USH2A: variants seen among roughly 807,000 people sequenced by gnomAD.
USH2A encodes usherin, also known as Usher syndrome 2A (autosomal recessive, mild).
Under a neutral mutation model 538.9 loss-of-function variants are expected in USH2A, and 443 were observed. The ratio of observed to expected loss-of-function variants is 0.82; its 90% CI spans 0.76 to 0.89. The LOEUF (loss-of-function observed/expected upper bound fraction) is 0.89, where lower values mean the gene tolerates loss of function less well. Ranked by LOEUF, USH2A falls within the 40% of genes least tolerant of loss-of-function variation. USH2A has a pLI of 0.00. For synonymous variants in USH2A, 2,413 were observed against 2,273.5 expected (o/e 1.06, Z -1.75); for missense variants, 6,633 against 6,324.8 (o/e 1.05, Z -1.65).
rs115262016 is a variant in USH2A at position 216,193,371 on chromosome 1, G to T, written c.4252-3004C>A. On this transcript the variant is annotated intron_variant, in intron 19 of 71. Coordinates refer to ENST00000307340, the MANE Select transcript of USH2A (RefSeq NM_206933.4). ...TGAGTGAACACGTAGACAGATTAAT[G>T]AAAAATAAGTAATCATAAATTATTT... Among the ~76,000 whole-genome samples, 814 of 152,066 alleles carry T rather than the reference G, an allele frequency of 5.4e-3. 6 individuals carry two copies. Among genetic ancestry groups the T allele is most frequent in the African/African-American group, 0.019 (769 of 41,506 alleles).
Position 216,324,368 on chromosome 1 carries a change from T to G in USH2A, c.1144-16A>C, listed in dbSNP as rs919792106. ...TATAAAACACCTGAAAATGGAAAGT[T>G]AATTAATGTAATTAAAGTTTTAAGT... On this transcript the variant is annotated splice_polypyrimidine_tract_variant and intron_variant, in intron 6 of 71. Transcript: ENST00000307340. 2.5e-6 allele frequency: 4 copies of G among 1,588,374 alleles called. No homozygotes were observed. The highest frequency in any genetic ancestry group is 1.1e-5 in the South Asian group (1 of 88,892).
At position 215,658,003 on chromosome 1, in the gene USH2A, G is replaced by C. The variant is rs141965510; in HGVS notation, c.14134-7202C>G. Among the ~76,000 whole-genome samples, 856 of 148,890 alleles carry C rather than the reference G, an allele frequency of 5.7e-3. 23 individuals carry two copies. The South Asian group carries it at 0.071, about 12-fold the overall frequency. ...GGCTGGAGTGCAGTGGCGTGATCTCGGCTGACTGCAAGCTCCGCCTCCCAG... is the reference window on the plus strand; with the variant it reads ...GGCTGGAGTGCAGTGGCGTGATCTCCGCTGACTGCAAGCTCCGCCTCCCAG... On this transcript the variant is annotated intron_variant, in intron 64 of 71. Coordinates refer to ENST00000307340, the MANE Select transcript of USH2A (RefSeq NM_206933.4).
intron 16 of USH2A, among the ~76,000 whole-genome samples, chr1:216,202,630 T>C (rs1251021264): frequency 6.6e-6 from 1 of 152,188 alleles, no homozygotes; most frequent in African/African-American, 2.4e-5. Flanking sequence ...AGCACTGATT[T>C]GTGATCTTGG....
intron 71 of USH2A, among the ~76,000 whole-genome samples, chr1:215,627,427 TCCTTCCTTCCTTC>T (rs1656079823): frequency 8.4e-6 from 1 of 119,388 alleles, no homozygotes; most frequent in South Asian, 3.4e-4. Flanking sequence ...CTTCCTTCCT[TCCTTCCTTCCTTC>T]CTTCCTTCCT....
At position 215,860,489 on chromosome 1, in the gene USH2A, T is replaced by C. The variant is rs73090742; in HGVS notation, c.8845+6518A>G. ...GTTGGCGCAAAGTAGTTGTGGTTTTTGCCATTACTTCAATGGCGAAAACCA... is the reference window on the plus strand; with the variant it reads ...GTTGGCGCAAAGTAGTTGTGGTTTTCGCCATTACTTCAATGGCGAAAACCA... On this transcript the variant is annotated intron_variant, in intron 44 of 71. Transcript: ENST00000307340. 4.1e-3 allele frequency among the ~76,000 whole-genome samples: 620 copies of C among 152,270 alleles called. 4 individuals carry two copies. Among genetic ancestry groups the C allele is most frequent in the African/African-American group, 0.014 (564 of 41,562 alleles).
At chr1:215,717,099 G>A (rs1320827628) in intron 61 of USH2A, among the ~76,000 whole-genome samples, 1 of 152,136 alleles carries the variant, frequency 6.6e-6, no homozygotes, top group Non-Finnish European at 1.5e-5. Flanking sequence ...TCTATGGAGG[G>A]GAATTCAGAG....
Position 216,102,535 on chromosome 1 carries a change from C to T in USH2A, c.4628-5322G>A, listed in dbSNP as rs187682584. Among the ~76,000 whole-genome samples, 132 of 152,266 alleles carry T rather than the reference C, an allele frequency of 8.7e-4. 2 individuals are homozygous for T. The East Asian group carries it at 0.011, about 13-fold the overall frequency. On this transcript the variant is annotated intron_variant, in intron 21 of 71. Transcript: ENST00000307340. ...TACTTGTGGGCCGGGCACAGTGGCT[C>T]ACGCCTGTAATCCCAGCACTTTGGG... is the stretch of plus-strand genomic sequence containing the variant.
At chr1:216,137,067 T>G (rs764147521) in intron 21 of USH2A, among the ~76,000 whole-genome samples, 8 of 151,982 alleles carry the variant, frequency 5.3e-5, no homozygotes, top group African/African-American at 1.5e-4. Context: ...TTGGAAAGAG[T>G]AGAAAACTAG....
At chr1:216,094,601 G>A (rs1454843903) in intron 22 of USH2A, among the ~76,000 whole-genome samples, 2 of 151,954 alleles carry the variant, frequency 1.3e-5, no homozygotes, top group Non-Finnish European at 2.9e-5. Context: ...ATTATTCACT[G>A]ATGCTTCTTC....
At chr1:216,131,992 T>C (rs2033386729) in intron 21 of USH2A, among the ~76,000 whole-genome samples, 1 of 152,118 alleles carries the variant, frequency 6.6e-6, no homozygotes, top group Admixed American at 6.6e-5. Flanking sequence ...CCTAGTAAGA[T>C]GGTAGAAATG....
chr1:216,349,126 T>C (rs2038230035), intron 4 of USH2A, among the ~76,000 whole-genome samples: 1 of 152,132 alleles, frequency 6.6e-6, no homozygotes, highest in South Asian at 2.1e-4. Context: ...CTTCCAGGTA[T>C]CAACTTTTGT....
chr1:215,964,581 T>C (rs1010567059), intron 37 of USH2A, among the ~76,000 whole-genome samples: 7 of 152,156 alleles, frequency 4.6e-5, no homozygotes, highest in African/African-American at 1.7e-4. Context: ...ATATTGCATA[T>C]TTGCTACTCA....
Position 216,147,323 on chromosome 1 carries a change from G to A in USH2A, c.4627+27929C>T, listed in dbSNP as rs867919364. Among the ~76,000 whole-genome samples, 12 of 149,658 alleles carry A rather than the reference G, an allele frequency of 8.0e-5. No homozygotes were observed. The South Asian group carries it at 8.3e-4, about 10-fold the overall frequency. ...CACCTCCCCTCCTCACACCTGGTCC[G>A]GCTTACAGTTTCGTTCCGTGACTAG... is the stretch of plus-strand genomic sequence containing the variant. On this transcript the variant is annotated intron_variant, in intron 21 of 71. Transcript: ENST00000307340.
At chr1:216,030,393 GAT>G (rs576977564) in intron 32 of USH2A, among the ~76,000 whole-genome samples, 318 of 128,114 alleles carry the variant, frequency 2.5e-3, no homozygotes, top group African/African-American at 8.4e-3. Flanking sequence ...ATACATCACA[GAT>G]ATATATATGA....
intron 44 of USH2A, among the ~76,000 whole-genome samples, chr1:215,856,173 A>G (rs1205596888): frequency 3.3e-5 from 5 of 152,216 alleles, no homozygotes; most frequent in Non-Finnish European, 5.9e-5. Context: ...AACAAAAAGA[A>G]AGATAAATAG....
chr1:215,936,715 A>G (rs1666507807), intron 37 of USH2A, among the ~76,000 whole-genome samples: 1 of 152,060 alleles, frequency 6.6e-6, no homozygotes, highest in Non-Finnish European at 1.5e-5. Context: ...CTCAGTAGCA[A>G]TTACCTACCT....
At chr1:216,132,618 G>A (rs969935456) in intron 21 of USH2A, among the ~76,000 whole-genome samples, 1 of 152,052 alleles carries the variant, frequency 6.6e-6, no homozygotes, top group Non-Finnish European at 1.5e-5. Context: ...GAGCTAAGAG[G>A]GAGATAGCTA....
intron 20 of USH2A, among the ~76,000 whole-genome samples, chr1:216,186,110 C>G (rs1219338870): frequency 2.0e-5 from 3 of 148,956 alleles, no homozygotes. Context: ...CAGAAAAAAA[C>G]AAACACTAAA....
chr1:215,718,621 C>A (rs771046846), intron 61 of USH2A, among the ~76,000 whole-genome samples: 1 of 152,216 alleles, frequency 6.6e-6, no homozygotes, highest in South Asian at 2.1e-4. Context: ...TGAACAGCTG[C>A]TGAATTTCAC....
Sources: gnomAD v4.1 joint callset for allele counts (sites outside exome capture counted in the v4.1 genomes callset) on GRCh38, gnomAD v4.1.1 for gene constraint, MANE v1.5 for transcripts, NCBI Gene and HGNC (gene_info 2026-07-23, HGNC 2026-07-21) for gene names.